SPATS1: variants seen among roughly 807,000 people sequenced by gnomAD.
SPATS1 encodes spermatogenesis associated serine rich 1.
Under a neutral mutation model 33.6 loss-of-function variants are expected in SPATS1, and 23 were observed. The ratio of observed to expected loss-of-function variants is 0.68; its 90% CI spans 0.49 to 0.97. The LOEUF (loss-of-function observed/expected upper bound fraction) is 0.97, where lower values mean the gene tolerates loss of function less well. SPATS1 is among the 50% of genes least tolerant of loss of function. The pLI, the probability that SPATS1 is intolerant of heterozygous loss-of-function variation, is 0.00. For synonymous variants in SPATS1, 131 were observed against 125.6 expected, an observed-to-expected ratio of 1.04 and a Z score of -0.29; for missense variants, 327 against 361.0, an observed-to-expected ratio of 0.91 and a Z score of 0.76.
rs1304996118 is a variant in SPATS1 at position 44,342,905 on chromosome 6, C to A, written c.-1+137C>A. The A allele has an allele frequency of 6.3e-6, 8 of 1,261,408 alleles. No individual in the cohort carries two copies. The Admixed American group carries it at 1.9e-4, about 30-fold the overall frequency. 78.1% of individuals were successfully genotyped at this position (1,261,408 alleles called of 1,614,324 possible). A position where few individuals can be genotyped will look rare whatever the true frequency, so the allele number is the denominator to read the frequency against. ...CTGGTTCGGGCTGGGGGCGGACTCG[C>A]TGGGGCTCCCAGGGCTTCCAAACCA... On this transcript the variant is annotated intron_variant, in intron 1 of 8. Coordinates refer to ENST00000674044, the MANE Select transcript of SPATS1 (RefSeq NM_001372081.1).
intron 5 of SPATS1, among the ~76,000 whole-genome samples, chr6:44,365,912 T>TG (rs1789215181): frequency 6.6e-6 from 1 of 152,218 alleles, no homozygotes; most frequent in Non-Finnish European, 1.5e-5. Flanking sequence ...GCCAGCCCTT[T>TG]GGGCTGATAC....
intron 3 of SPATS1, among the ~76,000 whole-genome samples, chr6:44,360,213 C>T (rs1265853436): frequency 6.6e-6 from 1 of 152,248 alleles, no homozygotes; most frequent in Non-Finnish European, 1.5e-5. Context: ...AGTGATCCAC[C>T]TGTCTCAGCC....
At chr6:44,345,459 T>C (rs150648793) in intron 2 of SPATS1, among the ~76,000 whole-genome samples, 17 of 152,288 alleles carry the variant, frequency 1.1e-4, no homozygotes, top group African/African-American at 3.8e-4. Flanking sequence ...GGAAATGCAG[T>C]ACATTTACAT....
At chr6:44,369,264 C>T (rs564014130) in intron 6 of SPATS1, among the ~76,000 whole-genome samples, 1 of 152,142 alleles carries the variant, frequency 6.6e-6, no homozygotes, top group South Asian at 2.1e-4. Context: ...ATCTGTGGGC[C>T]GGGCGCGGTG....
chr6:44,348,600 A>G (rs1276969389), intron 2 of SPATS1, among the ~76,000 whole-genome samples: 1 of 152,220 alleles, frequency 6.6e-6, no homozygotes, highest in Non-Finnish European at 1.5e-5. Context: ...TGGGCCCAGC[A>G]GCAGGTAGGA....
chr6:44,376,448 C>T lies in SPATS1; in HGVS notation c.849C>T (p.Pro283=), dbSNP rs1385819366. The change falls in exon 8 of 9, where the codon CCC becomes CCT. Residue 283 remains proline, a synonymous_variant. Transcript: ENST00000674044. ...TTGACAACTGGCAGCCAGCAGTGCCCTTAATGCACATGCTACACCTTTCTG... is the reference window on the plus strand; with the variant it reads ...TTGACAACTGGCAGCCAGCAGTGCCTTTAATGCACATGCTACACCTTTCTG... ...EELDNWQPAV[P]LMHMLHLSGA... 1.9e-6 allele frequency: 3 copies of T among 1,610,504 alleles called. No homozygotes were observed. In the Admixed American group the frequency reaches 5.0e-5, roughly 27 times the overall value.
At chr6:44,348,900 A>T (rs1285021834) in intron 2 of SPATS1, among the ~76,000 whole-genome samples, 1 of 152,158 alleles carries the variant, frequency 6.6e-6, no homozygotes, top group Non-Finnish European at 1.5e-5. Context: ...GGAGGCTGAG[A>T]TGGGTGGGTG....
intron 3 of SPATS1, among the ~76,000 whole-genome samples, chr6:44,358,606 T>C (rs1281038652): frequency 6.6e-6 from 1 of 152,208 alleles, no homozygotes; most frequent in African/African-American, 2.4e-5. Flanking sequence ...CACAACTCGA[T>C]GGTTTTTAGT....
chr6:44,368,421 A>G lies in SPATS1; in HGVS notation c.617A>G (p.Asp206Gly), dbSNP rs759482659. ...GGAATCCCAAAGTTAACTCCAGGCG[A>G]CAATCCATATATGTACCCAGAACAG... ...RNGIPKLTPG[D>G]NPYMYPEQSK... Residue 206 changes from aspartate (D) to glycine (G), a missense_variant, in exon 6 of 9, where the codon GAC becomes GGC. By Grantham distance (94) the Asp-to-Gly change is moderately conservative. Coordinates refer to ENST00000674044, the MANE Select transcript of SPATS1 (RefSeq NM_001372081.1). The G allele has an allele frequency of 6.2e-7, 1 of 1,613,764 alleles. No homozygotes were observed. Among genetic ancestry groups the G allele is most frequent in the Admixed American group, 1.7e-5 (1 of 60,002 alleles).
At chr6:44,372,170 C>G (rs1368833860) in intron 7 of SPATS1, among the ~76,000 whole-genome samples, 1 of 150,202 alleles carries the variant, frequency 6.7e-6, no homozygotes, top group Non-Finnish European at 1.5e-5. Context: ...AGGAGAATCA[C>G]TTGAACCCGG....
At chr6:44,370,307 T>G (rs898505693) in intron 7 of SPATS1, among the ~76,000 whole-genome samples, 194 bp downstream of exon 7, 2 of 152,196 alleles carry the variant, frequency 1.3e-5, no homozygotes, top group Admixed American at 1.3e-4. Flanking sequence ...GATGGTCACA[T>G]ATTCAACAGA....
Position 44,379,892 on chromosome 6 carries a change from C to T in SPATS1, c.*2829C>T, listed in dbSNP as rs907715388. ...ATCCCCTGAAAATCAGGGCAGTTTT[C>T]GCTGGATCTGGTGTTCTCTGTGGGT... On this transcript the variant is annotated 3_prime_UTR_variant, in exon 9 of 9. Transcript: ENST00000674044. Among the ~76,000 whole-genome samples the T allele has an allele frequency of 6.6e-5, 10 of 151,936 alleles. No individual in the cohort carries two copies. The highest frequency in any genetic ancestry group is 4.6e-4 in the Admixed American group (7 of 15,232).
chr6:44,371,058 C>T (rs1789580466), intron 7 of SPATS1, among the ~76,000 whole-genome samples: 1 of 150,678 alleles, frequency 6.6e-6, no homozygotes, highest in African/African-American at 2.4e-5. Flanking sequence ...CTTTGGGAGG[C>T]CAAGGCAGGG....
At position 44,368,410 on chromosome 6, in the gene SPATS1, A is replaced by C; in HGVS notation, c.606A>C (p.Leu202Phe). ...DIDPRNGIPK[L>F]TPGDNPYMYP... Reference sequence around the variant, plus strand: ...ATCCCAGGAATGGAATCCCAAAGTTAACTCCAGGCGACAATCCATATATGT... The same window carrying C: ...ATCCCAGGAATGGAATCCCAAAGTTCACTCCAGGCGACAATCCATATATGT... The change falls in exon 6 of 9, where the codon TTA (leucine) becomes TTC (phenylalanine). Residue 202 changes from leucine to phenylalanine, a missense_variant. Coordinates refer to ENST00000674044, the MANE Select transcript of SPATS1 (RefSeq NM_001372081.1). The C allele has an allele frequency of 1.2e-6, 2 of 1,613,612 alleles. No individual in the cohort carries two copies. The highest frequency in any genetic ancestry group is 2.7e-5 in the African/African-American group (2 of 75,058).
chr6:44,343,368 G>A, intron 2 of SPATS1, 134 bp downstream of exon 2: 1 of 1,002,374 alleles, frequency 1.0e-6, no homozygotes, highest in Non-Finnish European at 1.6e-6. Flanking sequence ...AAAAAGAGCT[G>A]CTTGAATAGT....
chr6:44,346,384 A>G (rs946867400), intron 2 of SPATS1, among the ~76,000 whole-genome samples: 3 of 151,852 alleles, frequency 2.0e-5, no homozygotes, highest in Non-Finnish European at 4.4e-5. Flanking sequence ...TGTATGTGTT[A>G]TTTTATTTTA....
chr6:44,360,762 A>T (rs1184084969), intron 4 of SPATS1, among the ~76,000 whole-genome samples, 192 bp downstream of exon 4: 3 of 152,246 alleles, frequency 2.0e-5, no homozygotes, highest in African/African-American at 7.2e-5. Flanking sequence ...TATAAAACCC[A>T]TTAAAATACT....
chr6:44,371,944 CAAA>C (rs1217507871), intron 7 of SPATS1, among the ~76,000 whole-genome samples: 9 of 67,742 alleles, frequency 1.3e-4, no homozygotes, highest in East Asian at 3.2e-4. Context: ...GACTCCGTCT[CAAA>C]AAAAAAAAAA....
intron 3 of SPATS1, among the ~76,000 whole-genome samples, chr6:44,354,494 T>C (rs1788447638): frequency 1.3e-5 from 2 of 152,164 alleles, no homozygotes; most frequent in Non-Finnish European, 2.9e-5. Context: ...TAAGATCATA[T>C]TATATTACTC....
Sources: allele counts gnomAD v4.1 joint callset (sites outside exome capture counted in the v4.1 genomes callset), GRCh38; gene constraint gnomAD v4.1.1; transcripts MANE v1.5; gene names NCBI Gene and HGNC (gene_info 2026-07-23, HGNC 2026-07-21).